TNR: variants seen among roughly 807,000 people sequenced by gnomAD.
TNR encodes tenascin-R.
Under a neutral mutation model 150.4 loss-of-function variants are expected in TNR, and 45 were observed. The observed-to-expected ratio is 0.30, with a 90% CI of 0.24 to 0.38. The LOEUF (loss-of-function observed/expected upper bound fraction) is 0.38. Among genes scored for constraint, TNR ranks in the 10% least tolerant of loss-of-function variants. The pLI is 1.00. For missense variants in TNR, 1,544 were observed against 1,759.1 expected (o/e 0.88, Z 2.19); for synonymous variants, 687 against 678.4 (o/e 1.01, Z -0.20).
intron 2 of TNR, among the ~76,000 whole-genome samples, chr1:175,507,078 G>C (rs1346809987): frequency 6.6e-6 from 1 of 152,196 alleles, no homozygotes; most frequent in Non-Finnish European, 1.5e-5. Context: ...CTTCATTTGG[G>C]TTCGCTGCTC....
At chr1:175,602,045 G>C (rs1053052525) in intron 1 of TNR, among the ~76,000 whole-genome samples, 2 of 152,046 alleles carry the variant, frequency 1.3e-5, no homozygotes, top group Non-Finnish European at 2.9e-5. Context: ...TTAGCATGCA[G>C]AAGAGGAAGG....
intron 1 of TNR, among the ~76,000 whole-genome samples, chr1:175,627,384 A>AT: frequency 6.6e-6 from 1 of 152,316 alleles, no homozygotes; most frequent in East Asian, 1.9e-4. Flanking sequence ...GCCTCACAGC[A>AT]TTGGTGTAAA....
Position 175,578,356 on chromosome 1 carries a change from G to T in TNR, c.-164-49987C>A, listed in dbSNP as rs191647818. Among the ~76,000 whole-genome samples the T allele has an allele frequency of 9.9e-5, 15 of 152,234 alleles. No individual in the cohort carries two copies. The East Asian group carries it at 2.9e-3, about 29-fold the overall frequency. Reference sequence around the variant, plus strand: ...GAGAAGGTAAACAAGATTGATAAAAGAGATTAAAAAGGAGGGAGAGGAAAG... The same window carrying T: ...GAGAAGGTAAACAAGATTGATAAAATAGATTAAAAAGGAGGGAGAGGAAAG... On this transcript the variant is annotated intron_variant, in intron 1 of 22. Coordinates refer to ENST00000367674, the MANE Select transcript of TNR (RefSeq NM_003285.3).
intron 18 of TNR, among the ~76,000 whole-genome samples, chr1:175,348,849 G>A (rs1650920150): frequency 6.6e-6 from 1 of 152,118 alleles, no homozygotes; most frequent in South Asian, 2.1e-4. Flanking sequence ...AGCAAAGAAA[G>A]ACTTCTTAAG....
chr1:175,732,154 C>T (rs1369083041), intron 1 of TNR, among the ~76,000 whole-genome samples: 1 of 152,230 alleles, frequency 6.6e-6, no homozygotes, highest in African/African-American at 2.4e-5. Flanking sequence ...AACAAGAAAC[C>T]TCCACAGGAA....
Position 175,671,532 on chromosome 1 carries a change from G to A in TNR, c.-165+71694C>T, listed in dbSNP as rs6668308. ...GTGATGCCAGTCTTCACTCAGCATCGTGGCAGTGACAGGTGGCAAGGGCAT... is the reference window on the plus strand; with the variant it reads ...GTGATGCCAGTCTTCACTCAGCATCATGGCAGTGACAGGTGGCAAGGGCAT... On this transcript the variant is annotated intron_variant, in intron 1 of 22. Transcript: ENST00000367674. Among the ~76,000 whole-genome samples, 1,441 of 152,304 alleles carry A rather than the reference G, an allele frequency of 9.5e-3. 22 individuals are homozygous for A. The highest frequency in any genetic ancestry group is 0.032 in the African/African-American group (1,344 of 41,566).
intron 1 of TNR, among the ~76,000 whole-genome samples, chr1:175,623,106 C>T (rs1476583447): frequency 2.0e-5 from 3 of 152,160 alleles, no homozygotes; most frequent in Non-Finnish European, 4.4e-5. Context: ...TAACAGTGCT[C>T]TTCAACTTGT....
At chr1:175,351,338 T>G (rs1339901567) in intron 18 of TNR, among the ~76,000 whole-genome samples, 1 of 152,152 alleles carries the variant, frequency 6.6e-6, no homozygotes, top group Non-Finnish European at 1.5e-5. Flanking sequence ...CGAGAGCTCA[T>G]TAATATTACC....
chr1:175,386,270 G>A lies in TNR; in HGVS notation c.1539C>T (p.Arg513=), dbSNP rs987505866. The A allele has an allele frequency of 9.5e-6, 15 of 1,582,460 alleles. No homozygotes were observed. The highest frequency in any genetic ancestry group is 2.3e-5 in the South Asian group (2 of 88,386). The part of the protein sequence containing the change: ...VIDGPTQILV[R]DVSDTVAFVE... ...CAAAAGCCACAGTGTCCGAGACATC[G>A]CGAACCAGGATCTGCGTGGGGCCGT... Residue 513 remains arginine (R), a synonymous_variant, in exon 8 of 23, where the codon CGC becomes CGT. Coordinates refer to ENST00000367674, the MANE Select transcript of TNR (RefSeq NM_003285.3).
At chr1:175,568,382 A>C (rs991101218) in intron 1 of TNR, among the ~76,000 whole-genome samples, 1 of 151,850 alleles carries the variant, frequency 6.6e-6, no homozygotes, top group African/African-American at 2.4e-5. Flanking sequence ...CCTCGGGCCC[A>C]TGAAACAAGC....
At chr1:175,670,356 C>T (rs1665660835) in intron 1 of TNR, among the ~76,000 whole-genome samples, 1 of 152,140 alleles carries the variant, frequency 6.6e-6, no homozygotes, top group Non-Finnish European at 1.5e-5. Flanking sequence ...CTGTTGAGTT[C>T]CTGGGACCAC....
intron 1 of TNR, among the ~76,000 whole-genome samples, chr1:175,650,280 G>T (rs960753051): frequency 6.6e-6 from 1 of 152,090 alleles, no homozygotes; most frequent in Admixed American, 6.5e-5. Context: ...CTACTTGGGA[G>T]GCTGAGGCAC....
intron 1 of TNR, among the ~76,000 whole-genome samples, chr1:175,697,767 C>T (rs556725875): frequency 6.6e-6 from 1 of 152,324 alleles, no homozygotes; most frequent in Admixed American, 6.5e-5. Flanking sequence ...CGATTCAAGC[C>T]CAGCCAACCC....
chr1:175,417,075 G>GAAAGAAATAAATAAATAAAT (rs754333098), intron 2 of TNR, among the ~76,000 whole-genome samples: 6 of 138,278 alleles, frequency 4.3e-5, no homozygotes, highest in South Asian at 2.4e-4. Flanking sequence ...AAGAAAGAAA[G>GAAAGAAATAAATAAATAAAT]AAATCTAAGA....
intron 2 of TNR, among the ~76,000 whole-genome samples, chr1:175,442,010 G>A (rs1188212193): frequency 2.6e-5 from 4 of 152,194 alleles, no homozygotes; most frequent in Non-Finnish European, 4.4e-5. Flanking sequence ...AGTGGTAACA[G>A]AGGGGGAAAA....
chr1:175,420,404 G>A (rs1654699364), intron 2 of TNR, among the ~76,000 whole-genome samples: 1 of 152,166 alleles, frequency 6.6e-6, no homozygotes, highest in Non-Finnish European at 1.5e-5. Context: ...ATAAATTAAT[G>A]CCTTCTGAAA....
chr1:175,536,093 TAAAG>T (rs1660270440), intron 1 of TNR, among the ~76,000 whole-genome samples: 1 of 152,252 alleles, frequency 6.6e-6, no homozygotes, highest in African/African-American at 2.4e-5. Context: ...ACTGTGTTAA[TAAAG>T]AAACACATAT....
chr1:175,374,056 G>C (rs1198719235), intron 9 of TNR, among the ~76,000 whole-genome samples: 3 of 152,212 alleles, frequency 2.0e-5, no homozygotes, highest in African/African-American at 2.4e-5. Context: ...CCCTGTGCCT[G>C]GTCCTTTCCT....
chr1:175,697,813 C>G (rs1386567017), intron 1 of TNR, among the ~76,000 whole-genome samples: 1 of 152,220 alleles, frequency 6.6e-6, no homozygotes, highest in African/African-American at 2.4e-5. Context: ...CTCATGCAAG[C>G]ACCATTCCAT....
Sources: allele counts gnomAD v4.1 joint callset (sites outside exome capture counted in the v4.1 genomes callset), GRCh38; gene constraint gnomAD v4.1.1; transcripts MANE v1.5; gene names NCBI Gene and HGNC (gene_info 2026-07-23, HGNC 2026-07-21).